ADARB1: variants seen among roughly 807,000 people sequenced by gnomAD.
The protein encoded by ADARB1 is adenosine deaminase RNA specific B1.
In ADARB1, 10 loss-of-function variants were observed where a neutral mutation model predicts 52.4. The ratio of observed to expected loss-of-function variants is 0.19; its 90% CI spans 0.12 to 0.32. The LOEUF (loss-of-function observed/expected upper bound fraction) is 0.32, where lower values mean the gene tolerates loss of function less well. Ranked by LOEUF, ADARB1 falls within the 10% of genes least tolerant of loss-of-function variation. The pLI, the probability that ADARB1 is intolerant of heterozygous loss-of-function variation, is 1.00. For missense variants in ADARB1, 643 were observed against 922.3 expected (o/e 0.70, Z 3.92); for synonymous variants, 349 against 371.1 (o/e 0.94, Z 0.68).
intron 1 of ADARB1, among the ~76,000 whole-genome samples, chr21:45,110,668 G>A (rs542414505): frequency 1.5e-4 from 23 of 152,210 alleles, no homozygotes; most frequent in African/African-American, 5.3e-4. Context: ...TAGCATTTAT[G>A]GCTCTTTAAA....
chr21:45,212,710 CA>C (rs2092792145), intron 9 of ADARB1, among the ~76,000 whole-genome samples: 1 of 151,930 alleles, frequency 6.6e-6, no homozygotes, highest in Non-Finnish European at 1.5e-5. Context: ...ATTGAATGCA[CA>C]TCAAAGAAAC....
chr21:45,215,155 C>T (rs1203064458), intron 9 of ADARB1, among the ~76,000 whole-genome samples: 1 of 152,152 alleles, frequency 6.6e-6, no homozygotes, highest in Admixed American at 6.5e-5. Flanking sequence ...CCAAGTGATC[C>T]TCCTGTCTCA....
At chr21:45,159,105 C>T (rs1008502483) in intron 2 of ADARB1, among the ~76,000 whole-genome samples, 2 of 152,164 alleles carry the variant, frequency 1.3e-5, no homozygotes, top group African/African-American at 4.8e-5. Context: ...AGTCTGTTTT[C>T]ACACTGCTAA....
At chr21:45,182,478 C>T (rs1480349209) in intron 5 of ADARB1, 107 bp from the exon 6 acceptor site, 2 of 1,236,456 alleles carry the variant, frequency 1.6e-6, no homozygotes, top group South Asian at 1.5e-5. Flanking sequence ...AGTCTGTTGG[C>T]CCCTGAAAAG....
At chr21:45,163,833 C>A (rs1008706563) in intron 2 of ADARB1, among the ~76,000 whole-genome samples, 3 of 152,206 alleles carry the variant, frequency 2.0e-5, no homozygotes, top group African/African-American at 7.2e-5. Context: ...TGTGCTCTGC[C>A]ACGCTTGTCC....
In ADARB1 at chr21:45,204,416, CTTTT is replaced by C; in HGVS notation, c.1566-137_1566-134del. 1 of 745,724 alleles carries C rather than the reference CTTTT, an allele frequency of 1.3e-6. No individual in the cohort carries two copies. The highest frequency in any genetic ancestry group is 2.2e-6 in the Non-Finnish European group (1 of 457,926). The allele number at this position is 745,724 out of a possible 1,614,324, so 46.2% of individuals were successfully genotyped here. A position where few individuals can be genotyped will look rare whatever the true frequency, so the allele number is the denominator to read the frequency against. ...GTAAGCTGCTAAATCAGTCTGTTAACTTTTTGTTGCACTCCTTCGTCAGTTGGTT... is the reference window on the plus strand; with the variant it reads ...GTAAGCTGCTAAATCAGTCTGTTAACTGTTGCACTCCTTCGTCAGTTGGTT... On this transcript the variant is annotated intron_variant, in intron 8 of 10. Transcript: ENST00000348831. This position sits in a 1 kb window ranked among gnomAD's most constrained non-coding sequence, Gnocchi z 4.4.
chr21:45,194,683 G>C (rs2092385118), intron 8 of ADARB1, among the ~76,000 whole-genome samples: 1 of 152,186 alleles, frequency 6.6e-6, no homozygotes, highest in African/African-American at 2.4e-5. Context: ...GAATCATACA[G>C]TATGTAGCCT....
rs148456693 is a variant in ADARB1, at chr21:45,166,812, T to G, written c.-47-4798T>G. On this transcript the variant is annotated intron_variant, in intron 2 of 10. Transcript: ENST00000348831. The stretch of plus-strand genomic sequence containing the variant: ...ACACTCACCACCTCCCAGCTCTGTC[T>G]TCTTACTGCATTAGGAGGCATTCTG... Among the ~76,000 whole-genome samples the G allele has an allele frequency of 5.1e-3, 770 of 152,356 alleles. 4 individuals carry two copies. The highest frequency in any genetic ancestry group is 7.7e-3 in the Non-Finnish European group (527 of 68,032).
At chr21:45,139,024 G>A (rs1314476164) in intron 2 of ADARB1, among the ~76,000 whole-genome samples, 2 of 151,718 alleles carry the variant, frequency 1.3e-5, no homozygotes, top group African/African-American at 4.8e-5. Flanking sequence ...GGGTTCAAGC[G>A]ATTCACCTGC....
chr21:45,086,003 T>A (rs1360613895), intron 1 of ADARB1, among the ~76,000 whole-genome samples: 1 of 152,208 alleles, frequency 6.6e-6, no homozygotes, highest in East Asian at 1.9e-4. Flanking sequence ...TGGAAGCCCT[T>A]GCTGTAGGAA....
chr21:45,153,933 T>C (rs13048685), intron 2 of ADARB1, among the ~76,000 whole-genome samples: 7,855 of 152,142 alleles, frequency 0.052, 276 homozygotes, highest in Middle Eastern at 0.11. Context: ...CAATAGGGAG[T>C]AAAACAAAGG....
chr21:45,205,036 A>T (rs1056722782), intron 9 of ADARB1, among the ~76,000 whole-genome samples: 4 of 152,160 alleles, frequency 2.6e-5, no homozygotes, highest in Non-Finnish European at 5.9e-5. Flanking sequence ...GGCCTAGTGG[A>T]TTGCTTGAGC....
At chr21:45,192,784 G>T (rs2092334318) in intron 8 of ADARB1, among the ~76,000 whole-genome samples, 1 of 152,154 alleles carries the variant, frequency 6.6e-6, no homozygotes. Flanking sequence ...ATACTAAAAG[G>T]ATTGTGAAGA....
intron 2 of ADARB1, among the ~76,000 whole-genome samples, chr21:45,159,656 C>T (rs2090858449): frequency 6.6e-6 from 1 of 152,166 alleles, no homozygotes; most frequent in African/African-American, 2.4e-5. Flanking sequence ...TCCTGGTGTC[C>T]AATGGGAGGC....
intron 2 of ADARB1, among the ~76,000 whole-genome samples, chr21:45,136,869 C>A (rs2089417664): frequency 6.6e-6 from 1 of 152,214 alleles, no homozygotes; most frequent in Non-Finnish European, 1.5e-5. Context: ...AAAAAATAAT[C>A]TGAGTAAAGC....
rs142203909 is a variant in ADARB1 at position 45,185,101 on chromosome 21, G to A, written c.1565+10G>A. 17 of 1,612,110 alleles carry A rather than the reference G, an allele frequency of 1.1e-5. No individual in the cohort carries two copies. Among genetic ancestry groups the A allele is most frequent in the South Asian group, 3.3e-5 (3 of 90,944 alleles). On this transcript the variant is annotated intron_variant, in intron 8 of 10. Transcript: ENST00000348831. Reference sequence around the variant, plus strand: ...GTGACAAGATTGCACGGTAAGGGGCGGGGGCTCCCTGTGGCCACCTCCCTG... The same window carrying A: ...GTGACAAGATTGCACGGTAAGGGGCAGGGGCTCCCTGTGGCCACCTCCCTG...
intron 1 of ADARB1, among the ~76,000 whole-genome samples, chr21:45,117,277 G>A (rs1245067337): frequency 6.6e-6 from 1 of 152,142 alleles, no homozygotes; most frequent in Non-Finnish European, 1.5e-5. Context: ...TCTCTGGCTT[G>A]TCCTTGTGAA....
At chr21:45,117,067 A>G (rs1196419164) in intron 1 of ADARB1, 1 of 152,216 alleles carries the variant, frequency 6.6e-6, no homozygotes, top group Admixed American at 6.5e-5. Context: ...ACTGTATAAC[A>G]TTTTAGTAAA....
At chr21:45,163,296 C>T (rs529422229) in intron 2 of ADARB1, among the ~76,000 whole-genome samples, 4 of 152,326 alleles carry the variant, frequency 2.6e-5, no homozygotes, top group Non-Finnish European at 4.4e-5. Flanking sequence ...TCCCAAAAGG[C>T]AACAGGGCAC....
Sources: allele counts gnomAD v4.1 joint callset (sites outside exome capture counted in the v4.1 genomes callset), GRCh38; gene constraint gnomAD v4.1.1; non-coding constraint Gnocchi (gnomAD v3.1); transcripts MANE v1.5; gene names NCBI Gene and HGNC (gene_info 2026-07-23, HGNC 2026-07-21).